The following CTNNA3 variants were observed in gnomAD, a reference collection of about 807,000 sequenced individuals.
CTNNA3 encodes catenin alpha-3.
In CTNNA3, 76 loss-of-function variants were observed where a neutral mutation model predicts 95.7. That is an observed-to-expected ratio of 0.79 (90% CI 0.66 to 0.96). The LOEUF (loss-of-function observed/expected upper bound fraction) is 0.96. Ranked by LOEUF, CTNNA3 falls within the 40% of genes least tolerant of loss-of-function variation. The pLI, the probability that CTNNA3 is intolerant of heterozygous loss-of-function variation, is 0.00. For missense variants in CTNNA3, 1,191 were observed against 1,089.8 expected (o/e 1.09, Z -1.31); for synonymous variants, 431 against 374.4 (o/e 1.15, Z -1.74).
chr10:67,089,710 T>C (rs1468047880), intron 7 of CTNNA3, among the ~76,000 whole-genome samples: 1 of 130,014 alleles, frequency 7.7e-6, no homozygotes, highest in Non-Finnish European at 1.6e-5. Context: ...CATATGTGTA[T>C]ATACATATGT....
intron 10 of CTNNA3, among the ~76,000 whole-genome samples, chr10:66,618,293 C>T (rs570892979): frequency 0.027 from 4,122 of 151,928 alleles, 192 homozygotes; most frequent in African/African-American, 0.095. Context: ...AGGCATCACG[C>T]TACCTGACTT....
At chr10:65,929,595 G>A (rs1443916163) in intron 17 of CTNNA3, among the ~76,000 whole-genome samples, 1 of 148,056 alleles carries the variant, frequency 6.8e-6, no homozygotes, top group Non-Finnish European at 1.5e-5. Flanking sequence ...TGGAGACAGA[G>A]TCTCCCTCTG....
At chr10:65,976,037 C>T (rs2078202748) in intron 16 of CTNNA3, among the ~76,000 whole-genome samples, 1 of 151,994 alleles carries the variant, frequency 6.6e-6, no homozygotes, top group Admixed American at 6.6e-5. Flanking sequence ...AATCATTATC[C>T]TCATTTAGTG....
intron 7 of CTNNA3, among the ~76,000 whole-genome samples, chr10:67,122,258 TA>T (rs1200952556): frequency 1.2e-4 from 18 of 152,108 alleles, no homozygotes; most frequent in African/African-American, 4.1e-4. Flanking sequence ...TTCATTTTTT[TA>T]AAAAAAGGTC....
At chr10:66,590,489 T>C (rs1564553019) in intron 10 of CTNNA3, among the ~76,000 whole-genome samples, 3 of 152,116 alleles carry the variant, frequency 2.0e-5, no homozygotes. Context: ...TAAAGCAACA[T>C]ACATCCATCT....
At chr10:66,971,436 A>ATAC (rs1239197467) in intron 7 of CTNNA3, among the ~76,000 whole-genome samples, 4 of 152,092 alleles carry the variant, frequency 2.6e-5, no homozygotes, top group East Asian at 1.9e-4. Context: ...CAAAAAAAAA[A>ATAC]ATACATACAT....
At chr10:66,242,074 GATGAGTATGCTC>G (rs2090135590) in intron 13 of CTNNA3, among the ~76,000 whole-genome samples, 1 of 152,080 alleles carries the variant, frequency 6.6e-6, no homozygotes, top group Admixed American at 6.6e-5. Flanking sequence ...GCCTTAAGAT[GATGAGTATGCTC>G]AGCCCCCCTG....
At position 66,449,748 on chromosome 10, in the gene CTNNA3, T is replaced by C. The variant is rs570403241; in HGVS notation, c.1532-70396A>G. Among the ~76,000 whole-genome samples the C allele has an allele frequency of 2.2e-4, 33 of 152,162 alleles. No homozygotes were observed. The South Asian group carries it at 6.4e-3, about 30-fold the overall frequency. On this transcript the variant is annotated intron_variant, in intron 11 of 17. Coordinates refer to ENST00000433211, the MANE Select transcript of CTNNA3 (RefSeq NM_013266.4). ...CATTTAATGACTCAAAGTCCGGCAATATATCTTTTAAAATAATACCACATA... is the reference window on the plus strand; with the variant it reads ...CATTTAATGACTCAAAGTCCGGCAACATATCTTTTAAAATAATACCACATA...
At chr10:66,295,410 T>C (rs2091762339) in intron 12 of CTNNA3, among the ~76,000 whole-genome samples, 1 of 152,128 alleles carries the variant, frequency 6.6e-6, no homozygotes, top group African/African-American at 2.4e-5. Flanking sequence ...AGAGATCCTA[T>C]CTACATTCAG....
At chr10:66,925,516 G>C (rs1847019240) in intron 7 of CTNNA3, among the ~76,000 whole-genome samples, 2 of 152,074 alleles carry the variant, frequency 1.3e-5, no homozygotes, top group Admixed American at 6.6e-5. Context: ...AACCGGAAAG[G>C]CTATTGGACA....
chr10:67,058,452 A>G (rs1855568819), intron 7 of CTNNA3, among the ~76,000 whole-genome samples: 1 of 152,244 alleles, frequency 6.6e-6, no homozygotes, highest in Non-Finnish European at 1.5e-5. Context: ...CAACAGCAGT[A>G]AATTAGCAGT....
At chr10:66,454,153 C>T (rs1589274336) in intron 11 of CTNNA3, among the ~76,000 whole-genome samples, 1 of 152,216 alleles carries the variant, frequency 6.6e-6, no homozygotes, top group South Asian at 2.1e-4. Flanking sequence ...AATAGATTCC[C>T]CCCTGCAGTC....
chr10:66,546,879 T>C (rs1198911282), intron 10 of CTNNA3, among the ~76,000 whole-genome samples: 1 of 152,192 alleles, frequency 6.6e-6, no homozygotes, highest in African/African-American at 2.4e-5. Context: ...TCAGATTTGA[T>C]ATGTCCCATG....
intron 12 of CTNNA3, among the ~76,000 whole-genome samples, chr10:66,343,052 G>C (rs1371346674): frequency 2.0e-5 from 3 of 151,990 alleles, no homozygotes; most frequent in African/African-American, 7.2e-5. Flanking sequence ...CCAGTCATTG[G>C]CAGAGTTTAA....
chr10:67,219,669 T>C lies in CTNNA3; in HGVS notation c.781A>G (p.Asn261Asp). Residue 261 changes from asparagine (N) to aspartate (D), a missense_variant, in exon 6 of 18, where the codon AAT (asparagine) becomes GAT (aspartate). Transcript: ENST00000433211. ...TGAGGTTCTGGTGGGGTTGTCATAT[T>C]CTGGATCCCTTGTGAAGCATTTGAA... is the stretch of plus-strand genomic sequence containing the variant. Reference protein sequence around the residue: ...VISNASQGIQNMTTPPEPQAA... With the variant: ...VISNASQGIQDMTTPPEPQAA... The C allele has an allele frequency of 6.2e-7, 1 of 1,614,162 alleles. No homozygotes were observed. The highest frequency in any genetic ancestry group is 8.5e-7 in the Non-Finnish European group (1 of 1,180,030).
At chr10:67,262,718 G>T (rs1370544646) in intron 5 of CTNNA3, among the ~76,000 whole-genome samples, 2 of 151,978 alleles carry the variant, frequency 1.3e-5, no homozygotes, top group African/African-American at 2.4e-5. Flanking sequence ...GAGACAAAAA[G>T]GGGAACAAAT....
At position 65,994,570 on chromosome 10, in the gene CTNNA3, G is replaced by A. The variant is rs150168597; in HGVS notation, c.2160-5773C>T. ...TTTGACTTAACATCATTCTCTTCCT[G>A]TCTTTAGAAATCCTTTCTTTGTATT... On this transcript the variant is annotated intron_variant, in intron 15 of 17. Transcript: ENST00000433211. Among the ~76,000 whole-genome samples the A allele has an allele frequency of 2.6e-3, 389 of 151,906 alleles. 2 individuals are homozygous for A. Among genetic ancestry groups the A allele is most frequent in the African/African-American group, 8.5e-3 (353 of 41,452 alleles).
At chr10:66,167,339 T>A (rs2085188443) in intron 13 of CTNNA3, among the ~76,000 whole-genome samples, 1 of 152,156 alleles carries the variant, frequency 6.6e-6, no homozygotes, top group Admixed American at 6.5e-5. Flanking sequence ...TTGAAGCAGT[T>A]AGAAAAACTA....
intron 3 of CTNNA3, among the ~76,000 whole-genome samples, chr10:67,556,143 G>T (rs1038629368): frequency 6.6e-6 from 1 of 152,156 alleles, no homozygotes; most frequent in East Asian, 1.9e-4. Flanking sequence ...ATGTGCTGCT[G>T]GATTCGGTTT....
Sources: gnomAD v4.1 joint callset for allele counts (sites outside exome capture counted in the v4.1 genomes callset) on GRCh38, gnomAD v4.1.1 for gene constraint, MANE v1.5 for transcripts, NCBI Gene and HGNC (gene_info 2026-07-23, HGNC 2026-07-21) for gene names.